The following DBF4B variants were observed in gnomAD, a reference collection of about 807,000 sequenced individuals.
The protein encoded by DBF4B is DBF4B-CDC7 kinase regulatory subunit.
Under a neutral mutation model 53.4 loss-of-function variants are expected in DBF4B, and 49 were observed. That is an observed-to-expected ratio of 0.92 (90% confidence interval 0.73 to 1.16). The LOEUF (loss-of-function observed/expected upper bound fraction) is 1.16, where lower values mean the gene tolerates loss of function less well. Among genes scored for constraint, DBF4B ranks in the 50% most tolerant of loss-of-function variants. The pLI is 0.00. For missense variants in DBF4B, 692 were observed against 775.0 expected (o/e 0.89, Z 1.27); for synonymous variants, 257 against 288.7 (o/e 0.89, Z 1.11).
At chr17:44,720,482 G>T in intron 2 of DBF4B, 1 of 220,914 alleles carries the variant, frequency 4.5e-6, no homozygotes. Flanking sequence ...GGGCTTCCCT[G>T]TCTTAGACGT....
At chr17:44,714,167 T>C (rs1387455953) in intron 2 of DBF4B, among the ~76,000 whole-genome samples, 1 of 152,020 alleles carries the variant, frequency 6.6e-6, no homozygotes, top group Non-Finnish European at 1.5e-5. Context: ...CTTTGGGGAT[T>C]TGATGAGGGG....
chr17:44,723,757 T>TAA (rs962253523), intron 3 of DBF4B, among the ~76,000 whole-genome samples: 1 of 138,158 alleles, frequency 7.2e-6, no homozygotes. Flanking sequence ...AGACTCTGTA[T>TAA]AAAAAAAAAA....
chr17:44,720,940 A>G (rs963418285), intron 2 of DBF4B, among the ~76,000 whole-genome samples: 44 of 150,676 alleles, frequency 2.9e-4, no homozygotes, highest in Admixed American at 2.7e-3. Context: ...CTCTTAACTC[A>G]CTGTAACCTC....
rs961532988 is a variant in DBF4B at position 44,733,963 on chromosome 17, T to TG, written c.557-125dup. 5 of 724,716 alleles carry TG rather than the reference T, an allele frequency of 6.9e-6. No homozygotes were observed. The African/African-American group carries it at 8.7e-5, about 13-fold the overall frequency. The allele number at this position is 724,716 out of a possible 1,614,324, so 44.9% of individuals were successfully genotyped here. ...GCAGAGGGGATGTGTAGCCAGAAGG[T>TG]GGCAGGCAAGGCTGGAGTGATTCAG... On this transcript the variant is annotated intron_variant, in intron 6 of 13. Coordinates refer to ENST00000315005, the MANE Select transcript of DBF4B (RefSeq NM_145663.3).
rs1321691484 is a variant in DBF4B at position 44,746,260 on chromosome 17, T to A, written c.831-823T>A. On this transcript the variant is annotated intron_variant, in intron 10 of 13. Transcript: ENST00000315005. ...AAAAAAAAAAAAAAAAGAAGTCAGG[T>A]TTGAGGAAGGTTTGAAAATCCTAGC... Among the ~76,000 whole-genome samples, 10 of 143,192 alleles carry A rather than the reference T, an allele frequency of 7.0e-5. No individual in the cohort carries two copies. In the East Asian group the frequency reaches 2.0e-3, roughly 29 times the overall value. 93.9% of individuals were successfully genotyped at this position (143,192 alleles called of 152,430 possible). A position where few individuals can be genotyped will look rare whatever the true frequency, so the allele number is the denominator to read the frequency against.
intron 9 of DBF4B, among the ~76,000 whole-genome samples, chr17:44,738,931 A>G (rs976051653): frequency 6.6e-6 from 1 of 152,186 alleles, no homozygotes; most frequent in Non-Finnish European, 1.5e-5. Context: ...TTTCTGGCTC[A>G]TGTTACCTCC....
intron 6 of DBF4B, 93 bp from the exon 7 acceptor site, chr17:44,733,997 C>T (rs1975098653): frequency 1.9e-6 from 2 of 1,032,960 alleles, no homozygotes; most frequent in Non-Finnish European, 3.0e-6. Flanking sequence ...AGTGGGCTGG[C>T]CCAGCGAGTT....
At chr17:44,744,182 C>G (rs1197842630) in intron 10 of DBF4B, among the ~76,000 whole-genome samples, 1 of 145,692 alleles carries the variant, frequency 6.9e-6, no homozygotes, top group Non-Finnish European at 1.5e-5. Context: ...AAGACTGAGG[C>G]AGGTGGATCA....
chr17:44,746,015 C>G (rs899167273), intron 10 of DBF4B, among the ~76,000 whole-genome samples: 2 of 143,506 alleles, frequency 1.4e-5, no homozygotes, highest in African/African-American at 5.2e-5. Flanking sequence ...TGAGACCAGC[C>G]TGGGCAACAT....
intron 2 of DBF4B, among the ~76,000 whole-genome samples, chr17:44,712,104 G>GAA (rs1277383635): frequency 3.0e-5 from 3 of 101,568 alleles, no homozygotes; most frequent in African/African-American, 6.9e-5. Flanking sequence ...TCTCAAAAAA[G>GAA]AAAAAAAAAA....
intron 7 of DBF4B, among the ~76,000 whole-genome samples, chr17:44,735,569 G>A (rs1975321057): frequency 6.6e-6 from 1 of 151,934 alleles, no homozygotes; most frequent in South Asian, 2.1e-4. Flanking sequence ...ACTTGGGAGG[G>A]TGAGGCAGGA....
In DBF4B at chr17:44,713,340, C is replaced by T. The variant is rs111915842; in HGVS notation, c.82+3974C>T. Among the ~76,000 whole-genome samples, 453 of 150,302 alleles carry T rather than the reference C, an allele frequency of 3.0e-3. 3 individuals are homozygous for T. Among genetic ancestry groups the T allele is most frequent in the African/African-American group, 0.01 (423 of 41,252 alleles). ...ACAGGTGTGAGCCACCACGCCCCGC[C>T]GACATTATTTTCATTATGTAAACAT... On this transcript the variant is annotated intron_variant, in intron 2 of 13. Transcript: ENST00000315005.
At chr17:44,748,905 C>G (rs1310712564) in intron 13 of DBF4B, 3 of 1,290,152 alleles carry the variant, frequency 2.3e-6, no homozygotes, top group Non-Finnish European at 3.0e-6. Context: ...AGACCTGCCT[C>G]TCTCTCCCAG....
rs1372691741 is a variant in DBF4B, at chr17:44,709,311, T to A, written c.27T>A (p.Asp9Glu). Residue 9 changes from aspartate to glutamate, a missense_variant, in exon 2 of 14, where the codon GAT becomes GAA. This residue lies in a region of DBF4B where 66 missense variants were observed against 51.3 expected (regional missense o/e 1.29). Coordinates refer to ENST00000315005, the MANE Select transcript of DBF4B (RefSeq NM_145663.3). MSEPGKGDDCLELESSMAE... is the reference protein window; with the variant it reads MSEPGKGDECLELESSMAE... Reference sequence around the variant, plus strand: ...TGTTATGTCCTTTCTCAGGAGACGATTGCCTCGAGCTGGAGAGTTCCATGG... The same window carrying A: ...TGTTATGTCCTTTCTCAGGAGACGAATGCCTCGAGCTGGAGAGTTCCATGG... 3.1e-6 allele frequency: 5 copies of A among 1,614,042 alleles called. No homozygotes were observed. The highest frequency in any genetic ancestry group is 4.2e-6 in the Non-Finnish European group (5 of 1,179,994).
intron 9 of DBF4B, among the ~76,000 whole-genome samples, chr17:44,740,542 CAAG>C (rs1369405806): frequency 6.6e-6 from 1 of 152,126 alleles, no homozygotes; most frequent in Admixed American, 6.5e-5. Context: ...TAAGGACCAG[CAAG>C]AACACTTCAC....
In DBF4B at chr17:44,731,984, G is replaced by T. The variant is rs1020954995; in HGVS notation, c.469-194G>T. ...CAGTGGTCCTTCCTCTCCCAATGTGGCCATGTGGAGGACAGGATGTCTTCC... is the reference window on the plus strand; with the variant it reads ...CAGTGGTCCTTCCTCTCCCAATGTGTCCATGTGGAGGACAGGATGTCTTCC... On this transcript the variant is annotated intron_variant, in intron 5 of 13. Transcript: ENST00000315005. The T allele has an allele frequency of 7.0e-6, 4 of 574,182 alleles. No homozygotes were observed. The Admixed American group carries it at 1.2e-4, about 18-fold the overall frequency. The allele number at this position is 574,182 out of a possible 1,614,324, so 35.6% of individuals were successfully genotyped here. A position where few individuals can be genotyped will look rare whatever the true frequency, so the allele number is the denominator to read the frequency against.
intron 13 of DBF4B, 64 bp downstream of exon 13, chr17:44,748,529 G>A (rs1394299062): frequency 5.0e-6 from 8 of 1,607,376 alleles, no homozygotes; most frequent in African/African-American, 2.7e-5. Context: ...GCAGGGACTG[G>A]TGAGGTACCT....
chr17:44,744,407 T>C (rs1976402286), intron 10 of DBF4B, among the ~76,000 whole-genome samples: 1 of 148,794 alleles, frequency 6.7e-6, no homozygotes, highest in South Asian at 2.1e-4. Flanking sequence ...GTAGACCCTG[T>C]CTCAAAAAAA....
At position 44,751,145 on chromosome 17, in the gene DBF4B, C is replaced by T. The variant is rs538751427; in HGVS notation, c.1740C>T (p.Ser580=). 4.3e-5 allele frequency: 70 copies of T among 1,614,146 alleles called. No homozygotes were observed. The South Asian group carries it at 7.0e-4, about 16-fold the overall frequency. The stretch of plus-strand genomic sequence containing the variant: ...ATCCGTGTACCCTTGCCTTCCCCTC[C>T]TATCTCAATGATCATGACCTTGGAC... ...TSHPCTLAFP[S]YLNDHDLGHL... Residue 580 remains serine, a synonymous_variant, in exon 14 of 14, where the codon TCC becomes TCT. Transcript: ENST00000315005.
Sources: gnomAD v4.1 joint callset for allele counts (sites outside exome capture counted in the v4.1 genomes callset) on GRCh38, gnomAD v4.1.1 for gene constraint, gnomAD v4.1.1 regional missense constraint, MANE v1.5 for transcripts, NCBI Gene and HGNC (gene_info 2026-07-23, HGNC 2026-07-21) for gene names.